KCTD3: variants seen among roughly 807,000 people sequenced by gnomAD.
KCTD3 encodes the protein BTB/POZ domain-containing protein KCTD3.
KCTD3 carries 41 observed loss-of-function variants against 85.8 expected under a neutral mutation model. That is an observed-to-expected ratio of 0.48 (90% CI 0.37 to 0.62). The LOEUF (loss-of-function observed/expected upper bound fraction) is 0.62. Ranked by LOEUF, KCTD3 falls within the 20% of genes least tolerant of loss-of-function variation. KCTD3 has a pLI of 0.00. For synonymous variants in KCTD3, 338 were observed against 345.4 expected, an observed-to-expected ratio of 0.98 and a Z score of 0.24; for missense variants, 724 against 989.9, an observed-to-expected ratio of 0.73 and a Z score of 3.60.
At chr1:215,615,622 G>GAA (rs538816906) in intron 15 of KCTD3, among the ~76,000 whole-genome samples, 2 of 91,648 alleles carry the variant, frequency 2.2e-5, no homozygotes, top group Non-Finnish European at 4.8e-5. Context: ...TCCGTCTCAA[G>GAA]AAAAAAAAAA....
chr1:215,606,159 C>T (rs1015676560), intron 13 of KCTD3, among the ~76,000 whole-genome samples: 2 of 152,092 alleles, frequency 1.3e-5, no homozygotes, highest in African/African-American at 2.4e-5. Context: ...AAAATGCCTT[C>T]GAACTTTTGT....
chr1:215,589,173 T>C lies in KCTD3; in HGVS notation c.817+2488T>C, dbSNP rs549985058. On this transcript the variant is annotated intron_variant, in intron 9 of 17. Transcript: ENST00000259154. ...TTTTCTGAGACAGGGTCTTGCTCTGTCACACAGGCTGGAGTGCAGTGATGT... is the reference window on the plus strand; with the variant it reads ...TTTTCTGAGACAGGGTCTTGCTCTGCCACACAGGCTGGAGTGCAGTGATGT... Among the ~76,000 whole-genome samples the C allele has an allele frequency of 4.6e-3, 702 of 152,204 alleles. 3 individuals are homozygous for C. Among genetic ancestry groups the C allele is most frequent in the South Asian group, 9.1e-3 (44 of 4,816 alleles).
At chr1:215,603,570 C>T (rs1038509971) in intron 12 of KCTD3, among the ~76,000 whole-genome samples, 44 of 152,096 alleles carry the variant, frequency 2.9e-4, no homozygotes, top group African/African-American at 1.0e-3. Flanking sequence ...TGTTTTGAAA[C>T]TTAAATAGTA....
intron 8 of KCTD3, among the ~76,000 whole-genome samples, chr1:215,583,600 C>T (rs1326284789): frequency 6.6e-6 from 1 of 152,138 alleles, no homozygotes; most frequent in Non-Finnish European, 1.5e-5. Flanking sequence ...GAATGCAGCC[C>T]AGCAGGTCTC....
At chr1:215,581,563 A>G (rs1279509674) in intron 8 of KCTD3, among the ~76,000 whole-genome samples, 1 of 152,218 alleles carries the variant, frequency 6.6e-6, no homozygotes, top group East Asian at 1.9e-4. Flanking sequence ...ACTGTACACA[A>G]TACTAAAGAT....
At position 215,595,249 on chromosome 1, in the gene KCTD3, G is replaced by C; in HGVS notation, c.818-107G>C. 4 of 691,884 alleles carry C rather than the reference G, an allele frequency of 5.8e-6. No individual in the cohort carries two copies. In the East Asian group the frequency reaches 1.0e-4, roughly 18 times the overall value. The allele number at this position is 691,884 out of a possible 1,614,324, so 42.9% of individuals were successfully genotyped here. ...CAACACGTATAGCACATAGTTTGTA[G>C]TAATGAGAATATAAATTAGTCACCT... On this transcript the variant is annotated intron_variant, in intron 9 of 17. Transcript: ENST00000259154.
At chr1:215,573,666 G>T (rs548168121) in intron 1 of KCTD3, 120 bp from the exon 2 acceptor site, 4 of 589,386 alleles carry the variant, frequency 6.8e-6, no homozygotes, top group Admixed American at 2.9e-5. Context: ...AAATATATTG[G>T]TACAGCTATA....
chr1:215,571,883 G>A (rs1170727664), intron 1 of KCTD3, among the ~76,000 whole-genome samples: 3 of 152,122 alleles, frequency 2.0e-5, no homozygotes, highest in African/African-American at 4.8e-5. Context: ...TGCCCGCCTC[G>A]GCCTCCCAAA....
chr1:215,594,904 C>T (rs1213221157), intron 9 of KCTD3, among the ~76,000 whole-genome samples: 1 of 152,092 alleles, frequency 6.6e-6, no homozygotes. Flanking sequence ...GTTAAGGCTG[C>T]CAAGTCTGTG....
intron 8 of KCTD3, among the ~76,000 whole-genome samples, chr1:215,580,795 T>C (rs1659788736): frequency 6.6e-6 from 1 of 152,172 alleles, no homozygotes; most frequent in African/African-American, 2.4e-5. Flanking sequence ...CTGAAAAATA[T>C]CTAAAATGTC....
chr1:215,579,266 G>T, intron 7 of KCTD3, 129 bp downstream of exon 7: 1 of 661,266 alleles, frequency 1.5e-6, no homozygotes. Flanking sequence ...TTTATATCTT[G>T]GAAAGGTCTC....
At chr1:215,603,751 C>T (rs552612490) in intron 12 of KCTD3, among the ~76,000 whole-genome samples, 33 of 152,170 alleles carry the variant, frequency 2.2e-4, no homozygotes, top group Admixed American at 3.9e-4. Context: ...TGAGTACCTG[C>T]GGTGTCTCAG....
Position 215,585,879 on chromosome 1 carries a change from A to G in KCTD3, c.627-616A>G, listed in dbSNP as rs3767260. 6.0e-3 allele frequency among the ~76,000 whole-genome samples: 913 copies of G among 152,260 alleles called. 22 individuals are homozygous for G. The South Asian group carries it at 0.067, about 11-fold the overall frequency. ...CATAGAGTTTTGCATTTAGACCTTT[A>G]AAAACTAGTCTTCAGAGGATATCCT... On this transcript the variant is annotated intron_variant, in intron 8 of 17. Transcript: ENST00000259154.
At chr1:215,593,490 A>T (rs7522720) in intron 9 of KCTD3, among the ~76,000 whole-genome samples, 4,094 of 152,298 alleles carry the variant, frequency 0.027, 181 homozygotes, top group African/African-American at 0.092. Flanking sequence ...ACTGGTCTTG[A>T]GTATAGTACA....
intron 13 of KCTD3, among the ~76,000 whole-genome samples, chr1:215,604,928 TTAAA>T (rs2102593877): frequency 1.3e-5 from 2 of 152,088 alleles, no homozygotes; most frequent in South Asian, 2.1e-4. Flanking sequence ...AAATTTTTAA[TTAAA>T]TATTAATTGG....
Position 215,570,438 on chromosome 1 carries a change from T to C in KCTD3, c.83+2670T>C, listed in dbSNP as rs545433733. 2.6e-5 allele frequency among the ~76,000 whole-genome samples: 4 copies of C among 152,328 alleles called. No homozygotes were observed. The South Asian group carries it at 6.2e-4, about 24-fold the overall frequency. Reference sequence around the variant, plus strand: ...ACTGAATTTATGATTAATTCTGTTATGGGCAAGTGTGATTTTGGGCCTCAT... The same window carrying C: ...ACTGAATTTATGATTAATTCTGTTACGGGCAAGTGTGATTTTGGGCCTCAT... On this transcript the variant is annotated intron_variant, in intron 1 of 17. Transcript: ENST00000259154.
At chr1:215,577,827 C>A in intron 5 of KCTD3, 99 bp downstream of exon 5, 1 of 1,283,300 alleles carries the variant, frequency 7.8e-7, no homozygotes, top group Non-Finnish European at 1.1e-6. Context: ...TTTTGATGGA[C>A]TTGTTCAGTG....
chr1:215,583,884 C>T (rs916685482), intron 8 of KCTD3, among the ~76,000 whole-genome samples: 13 of 152,194 alleles, frequency 8.5e-5, no homozygotes, highest in African/African-American at 2.9e-4. Context: ...AATAAGTGTT[C>T]GATTTAAGAA....
chr1:215,589,677 T>C (rs1450177565), intron 9 of KCTD3, among the ~76,000 whole-genome samples: 1 of 151,960 alleles, frequency 6.6e-6, no homozygotes, highest in Non-Finnish European at 1.5e-5. Context: ...TAGAATTTCA[T>C]GAGTAGAATT....
Sources: gnomAD v4.1 joint callset for allele counts (sites outside exome capture counted in the v4.1 genomes callset) on GRCh38, gnomAD v4.1.1 for gene constraint, MANE v1.5 for transcripts, NCBI Gene and HGNC (gene_info 2026-07-23, HGNC 2026-07-21) for gene names.